Variants in TMTC1 observed in about 807,000 individuals in gnomAD.
TMTC1 encodes the protein protein O-mannosyl-transferase TMTC1.
Under a neutral mutation model 104.8 loss-of-function variants are expected in TMTC1, and 73 were observed. That is an observed-to-expected ratio of 0.70 (90% CI 0.58 to 0.85). The LOEUF is 0.85. TMTC1 is among the 40% of genes least tolerant of loss of function. The probability of loss-of-function intolerance (pLI) is 0.00; values close to 1 mark genes in which losing one functional copy is unlikely to be tolerated. For missense variants in TMTC1, 1,035 were observed against 1,096.1 expected (o/e 0.94, Z 0.79); for synonymous variants, 434 against 428.7 (o/e 1.01, Z -0.15).
rs1450581537 is a variant in TMTC1, at chr12:29,553,423, C to A, written c.1676+3434G>T. ...TATTTTAATCTACTGAATTCTATGA[C>A]TGACCTATGCTGAGATACAGCCACT... On this transcript the variant is annotated intron_variant, in intron 10 of 17. Transcript: ENST00000539277. Among the ~76,000 whole-genome samples the A allele has an allele frequency of 3.3e-5, 5 of 152,202 alleles. No individual in the cohort carries two copies. In the South Asian group the frequency reaches 6.2e-4, roughly 19 times the overall value.
chr12:29,556,690 G>A (rs1945253107), intron 10 of TMTC1, among the ~76,000 whole-genome samples, 167 bp downstream of exon 10: 1 of 152,170 alleles, frequency 6.6e-6, no homozygotes, highest in South Asian at 2.1e-4. Context: ...GCTTTTGACT[G>A]ATAAGGAAAA....
intron 7 of TMTC1, among the ~76,000 whole-genome samples, chr12:29,594,980 T>A (rs1946370190): frequency 6.6e-6 from 1 of 152,188 alleles, no homozygotes; most frequent in South Asian, 2.1e-4. Flanking sequence ...TTTGATTTCT[T>A]TTGACTTTGA....
At chr12:29,681,846 G>C (rs901675387) in intron 5 of TMTC1, among the ~76,000 whole-genome samples, 2 of 152,152 alleles carry the variant, frequency 1.3e-5, no homozygotes, top group African/African-American at 4.8e-5. Context: ...GAAATGTAAT[G>C]AGTAATTGCC....
chr12:29,557,088 C>G, intron 9 of TMTC1, 88 bp from the exon 10 acceptor site: 5 of 1,434,692 alleles, frequency 3.5e-6, no homozygotes, highest in Non-Finnish European at 4.8e-6. Context: ...CAAGTATGAA[C>G]AGCCAAAATG....
At chr12:29,661,042 T>C (rs1258941248) in intron 5 of TMTC1, among the ~76,000 whole-genome samples, 1 of 152,090 alleles carries the variant, frequency 6.6e-6, no homozygotes, top group Non-Finnish European at 1.5e-5. Flanking sequence ...CCGTTCCCAG[T>C]TCTGCTGCTG....
chr12:29,650,290 A>C (rs565156109), intron 5 of TMTC1, among the ~76,000 whole-genome samples: 1 of 151,974 alleles, frequency 6.6e-6, no homozygotes, highest in Non-Finnish European at 1.5e-5. Flanking sequence ...TCACCATGTT[A>C]GCCAGGCTGG....
At chr12:29,744,440 G>C (rs1233014736) in intron 5 of TMTC1, among the ~76,000 whole-genome samples, 2 of 152,152 alleles carry the variant, frequency 1.3e-5, no homozygotes, top group Non-Finnish European at 2.9e-5. Flanking sequence ...TAAATTAAAA[G>C]GAATTTTTGC....
intron 7 of TMTC1, among the ~76,000 whole-genome samples, chr12:29,593,576 T>G (rs563053616): frequency 2.0e-5 from 3 of 152,356 alleles, no homozygotes; most frequent in African/African-American, 7.2e-5. Flanking sequence ...GATACACTGG[T>G]AGTATGTGAA....
chr12:29,730,625 A>C (rs772614657), intron 5 of TMTC1, among the ~76,000 whole-genome samples: 11 of 152,338 alleles, frequency 7.2e-5, no homozygotes, highest in Non-Finnish European at 1.5e-4. Flanking sequence ...ATCTGCAGCG[A>C]GGATGGTGGC....
intron 5 of TMTC1, chr12:29,661,254 A>G: frequency 1.7e-6 from 1 of 603,500 alleles, no homozygotes; most frequent in Non-Finnish European, 2.1e-6. Flanking sequence ...AGTCATTTTG[A>G]AAACAATACA....
intron 8 of TMTC1, among the ~76,000 whole-genome samples, chr12:29,577,326 G>A (rs1945852503): frequency 6.6e-6 from 1 of 150,808 alleles, no homozygotes; most frequent in African/African-American, 2.4e-5. Context: ...GGCTTCCTTG[G>A]GGGCTGAGAT....
intron 9 of TMTC1, among the ~76,000 whole-genome samples, chr12:29,566,803 C>T (rs530986476): frequency 6.6e-6 from 1 of 152,256 alleles, no homozygotes; most frequent in South Asian, 2.1e-4. Flanking sequence ...GGCAGCATCC[C>T]TATTCTCATT....
At chr12:29,743,180 C>A (rs567224732) in intron 5 of TMTC1, among the ~76,000 whole-genome samples, 1 of 152,092 alleles carries the variant, frequency 6.6e-6, no homozygotes, top group African/African-American at 2.4e-5. Flanking sequence ...AGACACAGAG[C>A]GTGTAAGCAA....
chr12:29,557,536 C>T (rs908413782), intron 9 of TMTC1, among the ~76,000 whole-genome samples: 6 of 152,232 alleles, frequency 3.9e-5, no homozygotes, highest in Admixed American at 6.5e-5. Flanking sequence ...CTGCAACCCC[C>T]GCCTCCCAGG....
At chr12:29,643,992 ATT>A (rs576829580) in intron 5 of TMTC1, among the ~76,000 whole-genome samples, 1,294 of 116,122 alleles carry the variant, frequency 0.011, 43 homozygotes, top group African/African-American at 0.042. Context: ...TAAATATATA[ATT>A]TATATATAAA....
intron 5 of TMTC1, among the ~76,000 whole-genome samples, chr12:29,749,144 T>G (rs138893910): frequency 6.6e-6 from 1 of 152,190 alleles, no homozygotes; most frequent in Admixed American, 6.5e-5. Context: ...ATTAAACAAT[T>G]AGCAGCATAC....
At position 29,610,691 on chromosome 12, in the gene TMTC1, C is replaced by G. The variant is rs368021367; in HGVS notation, c.1129-6392G>C. Reference sequence around the variant, plus strand: ...CCCCAGTGGTCACAAGGTCACACTGCGAGATGTTTAGGGACAGTCCTCTTG... The same window carrying G: ...CCCCAGTGGTCACAAGGTCACACTGGGAGATGTTTAGGGACAGTCCTCTTG... On this transcript the variant is annotated intron_variant, in intron 6 of 17. Coordinates refer to ENST00000539277, the MANE Select transcript of TMTC1 (RefSeq NM_001193451.2). Among the ~76,000 whole-genome samples, 47 of 152,316 alleles carry G rather than the reference C, an allele frequency of 3.1e-4. No homozygotes were observed. In the East Asian group the frequency reaches 8.5e-3, roughly 28 times the overall value.
In TMTC1 at chr12:29,773,434, A is replaced by G. The variant is rs867863570; in HGVS notation, c.303-5359T>C. On this transcript the variant is annotated intron_variant, in intron 1 of 17. Coordinates refer to ENST00000539277, the MANE Select transcript of TMTC1 (RefSeq NM_001193451.2). ...TCTGATTTAGGAAAAACAAAACAAAACAAAACAGTAACAGTCTGTATTTGT... is the reference window on the plus strand; with the variant it reads ...TCTGATTTAGGAAAAACAAAACAAAGCAAAACAGTAACAGTCTGTATTTGT... 1.8e-4 allele frequency among the ~76,000 whole-genome samples: 27 copies of G among 152,194 alleles called. No individual in the cohort carries two copies. In the South Asian group the frequency reaches 3.9e-3, roughly 22 times the overall value.
chr12:29,509,176 C>T (rs1415036962), intron 17 of TMTC1, among the ~76,000 whole-genome samples: 1 of 152,176 alleles, frequency 6.6e-6, no homozygotes, highest in Non-Finnish European at 1.5e-5. Flanking sequence ...CAGCACCATT[C>T]TAGAAAATGC....
Sources: gnomAD v4.1 joint callset for allele counts (sites outside exome capture counted in the v4.1 genomes callset) on GRCh38, gnomAD v4.1.1 for gene constraint, MANE v1.5 for transcripts, NCBI Gene and HGNC (gene_info 2026-07-23, HGNC 2026-07-21) for gene names.